DOK6: variants seen among roughly 807,000 people sequenced by gnomAD.
DOK6 encodes the protein downstream of tyrosine kinase 6.
Under a neutral mutation model 44.0 loss-of-function variants are expected in DOK6, and 22 were observed. The ratio of observed to expected loss-of-function variants is 0.50; its 90% CI spans 0.36 to 0.71. DOK6 has a LOEUF of 0.71. Among genes scored for constraint, DOK6 ranks in the 30% least tolerant of loss-of-function variants. The probability of loss-of-function intolerance (pLI) is 0.00; values close to 1 mark genes in which losing one functional copy is unlikely to be tolerated. For missense variants in DOK6, 340 were observed against 416.4 expected, an observed-to-expected ratio of 0.82 and a Z score of 1.60; for synonymous variants, 166 against 145.5, an observed-to-expected ratio of 1.14 and a Z score of -1.01.
chr18:69,794,227 T>C (rs1190416088), intron 7 of DOK6, among the ~76,000 whole-genome samples: 4 of 152,122 alleles, frequency 2.6e-5, no homozygotes, highest in African/African-American at 9.7e-5. Flanking sequence ...CCAGTACTGT[T>C]CAGTTATACA....
intron 3 of DOK6, among the ~76,000 whole-genome samples, chr18:69,644,434 G>A (rs931387586): frequency 6.6e-6 from 1 of 152,094 alleles, no homozygotes; most frequent in Admixed American, 6.5e-5. Context: ...GTTTGTTACT[G>A]TAGAAGTTGT....
At chr18:69,538,173 C>G (rs1172703511) in intron 1 of DOK6, among the ~76,000 whole-genome samples, 3 of 151,956 alleles carry the variant, frequency 2.0e-5, no homozygotes, top group Non-Finnish European at 4.4e-5. Flanking sequence ...AAATGTTATG[C>G]TGAAATATGA....
At position 69,815,757 on chromosome 18, in the gene DOK6, G is replaced by A. The variant is rs374546454; in HGVS notation, c.857-25487G>A. ...ATCTTTTTATCTAGACAGACCGATG[G>A]GTAGATATAGATAGTAGATACATAC... On this transcript the variant is annotated intron_variant, in intron 7 of 7. Transcript: ENST00000382713. 4.6e-5 allele frequency among the ~76,000 whole-genome samples: 7 copies of A among 151,930 alleles called. No individual in the cohort carries two copies. The East Asian group carries it at 1.4e-3, about 29-fold the overall frequency.
In DOK6 at chr18:69,612,494, G is replaced by A. The variant is rs180768492; in HGVS notation, c.289+12996G>A. On this transcript the variant is annotated intron_variant, in intron 3 of 7. Transcript: ENST00000382713. ...ATTTCTTGCTCTTTTCTAACATAGA[G>A]GCCGTGCATGAGCTGCTCGTCTGCC... 5.2e-5 allele frequency among the ~76,000 whole-genome samples: 3 copies of A among 57,522 alleles called. 1 individual carries two copies. In the East Asian group the frequency reaches 2.6e-3, roughly 50 times the overall value. The allele number at this position is 57,522 out of a possible 152,430, so 37.7% of individuals were successfully genotyped here. A position where few individuals can be genotyped will look rare whatever the true frequency, so the allele number is the denominator to read the frequency against.
At chr18:69,599,599 G>C in intron 3 of DOK6, 101 bp downstream of exon 3, 2 of 860,290 alleles carry the variant, frequency 2.3e-6, no homozygotes, top group Non-Finnish European at 3.6e-6. Context: ...ATGGCCTACT[G>C]TCATGAGAAT....
chr18:69,740,044 T>C (rs965578698), intron 6 of DOK6, among the ~76,000 whole-genome samples: 1 of 152,212 alleles, frequency 6.6e-6, no homozygotes, highest in Admixed American at 6.5e-5. Flanking sequence ...CACTTTTAAC[T>C]TTCTCAATAC....
chr18:69,519,087 T>C (rs1440656327), intron 1 of DOK6, among the ~76,000 whole-genome samples: 4 of 152,076 alleles, frequency 2.6e-5, no homozygotes, highest in South Asian at 4.1e-4. Context: ...ATTTTCCTAA[T>C]ATTAAAAATA....
chr18:69,847,999 A>T lies in DOK6; in HGVS notation c.*6616A>T, dbSNP rs1282644758. 6.9e-6 allele frequency: 1 copy of T among 144,406 alleles called. No homozygotes were observed. The highest frequency in any genetic ancestry group is 1.5e-5 in the Non-Finnish European group (1 of 66,772). The allele number at this position is 144,406 out of a possible 1,614,324, so 8.9% of individuals were successfully genotyped here. On this transcript the variant is annotated 3_prime_UTR_variant, in exon 8 of 8. Coordinates refer to ENST00000382713, the MANE Select transcript of DOK6 (RefSeq NM_152721.6). ...TCCAAGACCTGCAGAGGCCCCCTCC[A>T]CCCCAACCTTAGTGCATGCTCACAC... is the stretch of plus-strand genomic sequence containing the variant.
chr18:69,509,361 G>A (rs1981283520), intron 1 of DOK6, among the ~76,000 whole-genome samples: 1 of 152,140 alleles, frequency 6.6e-6, no homozygotes, highest in Admixed American at 6.5e-5. Context: ...GATATGGCCG[G>A]GCGCGGTGGT....
chr18:69,540,960 C>G (rs112706928), intron 1 of DOK6, among the ~76,000 whole-genome samples: 2 of 152,082 alleles, frequency 1.3e-5, no homozygotes, highest in Admixed American at 1.3e-4. Context: ...GGCAGAAATT[C>G]GCCATTAAGT....
chr18:69,471,366 G>T (rs1318688068), intron 1 of DOK6, among the ~76,000 whole-genome samples: 1 of 151,450 alleles, frequency 6.6e-6, no homozygotes, highest in East Asian at 1.9e-4. Flanking sequence ...AAGTGCTTTC[G>T]GAGGTTAGGG....
chr18:69,740,146 T>C (rs1483743796), intron 6 of DOK6, among the ~76,000 whole-genome samples: 2 of 152,122 alleles, frequency 1.3e-5, no homozygotes, highest in African/African-American at 4.8e-5. Flanking sequence ...GGACTCCCCA[T>C]GGAAATGAAA....
chr18:69,774,731 A>G (rs1980010187), intron 7 of DOK6, among the ~76,000 whole-genome samples: 1 of 152,026 alleles, frequency 6.6e-6, no homozygotes, highest in Non-Finnish European at 1.5e-5. Flanking sequence ...AGAATAGAGT[A>G]TGAATATTGA....
At chr18:69,515,816 G>C (rs138332657) in intron 1 of DOK6, among the ~76,000 whole-genome samples, 1 of 152,144 alleles carries the variant, frequency 6.6e-6, no homozygotes, top group Non-Finnish European at 1.5e-5. Flanking sequence ...ATACATACAT[G>C]TACACACAGT....
intron 3 of DOK6, among the ~76,000 whole-genome samples, chr18:69,624,812 G>A (rs985131593): frequency 2.6e-5 from 4 of 151,986 alleles, no homozygotes; most frequent in East Asian, 1.9e-4. Flanking sequence ...TTTAAGTATA[G>A]GATAGTGTTT....
chr18:69,517,887 T>C (rs180965410), intron 1 of DOK6, among the ~76,000 whole-genome samples: 1 of 152,280 alleles, frequency 6.6e-6, no homozygotes, highest in Admixed American at 6.5e-5. Context: ...GCTGTTTACC[T>C]TGTAGGCTAG....
intron 1 of DOK6, among the ~76,000 whole-genome samples, chr18:69,512,784 G>C (rs1211482318): frequency 1.3e-5 from 2 of 152,108 alleles, no homozygotes; most frequent in Non-Finnish European, 2.9e-5. Flanking sequence ...CTGTGACTTA[G>C]TGCCCCGTTT....
chr18:69,675,279 A>G (rs1450259481), intron 3 of DOK6, among the ~76,000 whole-genome samples: 1 of 152,182 alleles, frequency 6.6e-6, no homozygotes, highest in Non-Finnish European at 1.5e-5. Flanking sequence ...CTTAACACAA[A>G]GAAGGAGTGA....
rs190387132 is a variant in DOK6 at position 69,808,746 on chromosome 18, T to G, written c.857-32498T>G. Among the ~76,000 whole-genome samples, 147 of 151,722 alleles carry G rather than the reference T, an allele frequency of 9.7e-4. 1 individual carries two copies. The highest frequency in any genetic ancestry group is 5.4e-3 in the Admixed American group (82 of 15,194). ...CTATCCAGACTGAATCATGAAGAAA[T>G]AGAAAATGTGAACAGAACAATAACA... On this transcript the variant is annotated intron_variant, in intron 7 of 7. Transcript: ENST00000382713.
Sources: gnomAD v4.1 joint callset for allele counts (sites outside exome capture counted in the v4.1 genomes callset) on GRCh38, gnomAD v4.1.1 for gene constraint, MANE v1.5 for transcripts, NCBI Gene and HGNC (gene_info 2026-07-23, HGNC 2026-07-21) for gene names.